Variants in TMEM260 observed in about 807,000 individuals in gnomAD.
TMEM260 encodes protein O-mannosyl-transferase TMEM260.
A neutral mutation model predicts 88.9 loss-of-function variants in TMEM260; 82 were observed. The ratio of observed to expected loss-of-function variants is 0.92; its 90% confidence interval spans 0.77 to 1.11. The LOEUF is 1.11. Ranked by LOEUF, TMEM260 falls within the 50% of genes least tolerant of loss-of-function variation. TMEM260 has a pLI of 0.00. For missense variants in TMEM260, 902 were observed against 853.4 expected, an observed-to-expected ratio of 1.06 and a Z score of -0.71; for synonymous variants, 314 against 309.3, an observed-to-expected ratio of 1.02 and a Z score of -0.16.
intron 10 of TMEM260, chr14:56,619,519 A>G (rs1887785077): frequency 6.6e-6 from 1 of 152,162 alleles, no homozygotes; most frequent in Non-Finnish European, 1.5e-5. Context: ...CTCATATATT[A>G]TTAGTATTAC....
the TMEM260 span, among the ~76,000 whole-genome samples, chr14:56,659,210 T>C: frequency 6.6e-6 from 1 of 152,072 alleles, no homozygotes; most frequent in Admixed American, 6.5e-5. Context: ...AACTTTTCTG[T>C]AATTCTAAAA....
intron 3 of TMEM260, among the ~76,000 whole-genome samples, chr14:56,603,179 C>G (rs1041325145): frequency 6.6e-6 from 1 of 151,916 alleles, no homozygotes; most frequent in Non-Finnish European, 1.5e-5. Flanking sequence ...TCTGATTCTT[C>G]TGGTGTTATT....
At chr14:56,632,243 TC>T (rs1888664039) in intron 12 of TMEM260, among the ~76,000 whole-genome samples, 1 of 152,212 alleles carries the variant, frequency 6.6e-6, no homozygotes, top group African/African-American at 2.4e-5. Context: ...GGCTTTAATT[TC>T]TTTCTTCTGC....
At chr14:56,604,197 T>G (rs1425224909) in intron 4 of TMEM260, among the ~76,000 whole-genome samples, 2 of 152,112 alleles carry the variant, frequency 1.3e-5, no homozygotes, top group Non-Finnish European at 2.9e-5. Flanking sequence ...TTTTCTTCCC[T>G]CAGAGTTCAA....
intron 2 of TMEM260, 159 bp from the exon 3 acceptor site, chr14:56,585,602 C>T (rs1885442480): frequency 4.6e-6 from 3 of 656,734 alleles, no homozygotes; most frequent in Admixed American, 6.6e-5. Flanking sequence ...ATTTGTATTG[C>T]CTCAAGAGGA....
At chr14:56,588,706 G>A (rs1289341105) in intron 3 of TMEM260, among the ~76,000 whole-genome samples, 1 of 33,790 alleles carries the variant, frequency 3.0e-5, no homozygotes, top group Non-Finnish European at 5.7e-5. Context: ...AGTTGTTTCT[G>A]TAAGTATTTA....
At chr14:56,660,784 GTC>G in the TMEM260 span, among the ~76,000 whole-genome samples, 15 of 152,102 alleles carry the variant, frequency 9.9e-5, no homozygotes, top group Admixed American at 2.0e-4. Context: ...TTCAGGTTCT[GTC>G]TCTGTCTCGC....
At chr14:56,604,984 T>G (rs747718528) in intron 4 of TMEM260, among the ~76,000 whole-genome samples, 10 of 152,206 alleles carry the variant, frequency 6.6e-5, no homozygotes, top group Non-Finnish European at 1.3e-4. Context: ...AGAATTAGTG[T>G]TCTGGCTAAA....
intron 1 of TMEM260, among the ~76,000 whole-genome samples, chr14:56,581,145 C>T (rs1413851757): frequency 1.3e-5 from 2 of 152,216 alleles, no homozygotes; most frequent in East Asian, 1.9e-4. Context: ...ATGAAGGACA[C>T]CTCTCTGTCT....
chr14:56,631,275 C>A (rs966165867), intron 12 of TMEM260, among the ~76,000 whole-genome samples: 1 of 152,160 alleles, frequency 6.6e-6, no homozygotes, highest in South Asian at 2.1e-4. Context: ...TGATTCTTCC[C>A]TGGGGGTGGG....
the TMEM260 span, among the ~76,000 whole-genome samples, chr14:56,660,289 T>C: frequency 6.6e-6 from 1 of 151,830 alleles, no homozygotes; most frequent in East Asian, 1.9e-4. Flanking sequence ...AGGTGTAGAT[T>C]TATAACTTTG....
At chr14:56,662,600 T>C in the TMEM260 span, among the ~76,000 whole-genome samples, 1 of 152,184 alleles carries the variant, frequency 6.6e-6, no homozygotes, top group Non-Finnish European at 1.5e-5. Context: ...TCCCCAACAC[T>C]GCCTTTCAAC....
At chr14:56,609,526 T>C (rs1001404351) in intron 6 of TMEM260, among the ~76,000 whole-genome samples, 1 of 152,180 alleles carries the variant, frequency 6.6e-6, no homozygotes, top group African/African-American at 2.4e-5. Context: ...AGGATAGCAG[T>C]CATTAAAGTC....
chr14:56,643,610 T>G (rs1261010831), intron 15 of TMEM260, among the ~76,000 whole-genome samples: 1 of 152,160 alleles, frequency 6.6e-6, no homozygotes, highest in African/African-American at 2.4e-5. Context: ...AAGACAGGGA[T>G]GCCCTCTCTC....
At chr14:56,659,643 C>G in the TMEM260 span, among the ~76,000 whole-genome samples, 1 of 152,174 alleles carries the variant, frequency 6.6e-6, no homozygotes, top group South Asian at 2.1e-4. Context: ...AGCTTGAAGA[C>G]AGCAGGATCT....
chr14:56,636,610 T>TTTTATATGTAGATATAGATATATTTGG lies in TMEM260; in HGVS notation c.1869+14_1869+40dup. 4 of 1,608,550 alleles carry TTTTATATGTAGATATAGATATATTTGG rather than the reference T, an allele frequency of 2.5e-6. No homozygotes were observed. The highest frequency in any genetic ancestry group is 3.4e-6 in the Non-Finnish European group (4 of 1,174,946). ...CTCAAGCATATGACGTATGTTACAC[T>TTTTATATGTAGATATAGATATATTTGG]TTTATATGTAGATATAGATATATTT... is the stretch of plus-strand genomic sequence containing the variant. On this transcript the variant is annotated intron_variant, in intron 15 of 15. Transcript: ENST00000261556.
the TMEM260 span, among the ~76,000 whole-genome samples, chr14:56,657,713 A>G: frequency 3.3e-5 from 5 of 152,034 alleles, no homozygotes; most frequent in Non-Finnish European, 7.4e-5. Context: ...CACCCTCTCA[A>G]CCCAAGTTAA....
intron 11 of TMEM260, among the ~76,000 whole-genome samples, chr14:56,624,194 T>G (rs1466950324): frequency 1.3e-5 from 2 of 152,206 alleles, no homozygotes; most frequent in Admixed American, 1.3e-4. Context: ...ATGAGCATAC[T>G]TGATTTTTTT....
At chr14:56,641,360 T>G (rs1156710537) in intron 15 of TMEM260, among the ~76,000 whole-genome samples, 2 of 152,152 alleles carry the variant, frequency 1.3e-5, no homozygotes, top group African/African-American at 4.8e-5. Context: ...GGGCCAATAT[T>G]CAGTATTCTT....
Sources: gnomAD v4.1 joint callset for allele counts (sites outside exome capture counted in the v4.1 genomes callset) on GRCh38, gnomAD v4.1.1 for gene constraint, MANE v1.5 for transcripts, NCBI Gene and HGNC (gene_info 2026-07-23, HGNC 2026-07-21) for gene names.